The following DPY19L3 variants were observed in gnomAD, a reference collection of about 807,000 sequenced individuals.
The protein encoded by DPY19L3 is dpy-19 like C-mannosyltransferase 3.
In DPY19L3, 51 loss-of-function variants were observed where a neutral mutation model predicts 92.3. That is an observed-to-expected ratio of 0.55 (90% CI 0.44 to 0.70). DPY19L3 has a LOEUF of 0.70. Among genes scored for constraint, DPY19L3 ranks in the 30% least tolerant of loss-of-function variants. The pLI, the probability that DPY19L3 is intolerant of heterozygous loss-of-function variation, is 0.00. For synonymous variants in DPY19L3, 309 were observed against 315.2 expected (o/e 0.98, Z 0.21); for missense variants, 706 against 855.9 (o/e 0.82, Z 2.18).
intron 3 of DPY19L3, among the ~76,000 whole-genome samples, chr19:32,420,309 G>A (rs565414954): frequency 1.3e-5 from 2 of 152,286 alleles, no homozygotes; most frequent in South Asian, 4.1e-4. Flanking sequence ...ACTGGCTGCT[G>A]TGAAGAATCT....
At position 32,429,350 on chromosome 19, in the gene DPY19L3, T is replaced by C. The variant is rs561346576; in HGVS notation, c.238-3366T>C. Among the ~76,000 whole-genome samples, 55 of 152,322 alleles carry C rather than the reference T, an allele frequency of 3.6e-4. 3 individuals carry two copies. In the South Asian group the frequency reaches 0.011, roughly 31 times the overall value. The stretch of plus-strand genomic sequence containing the variant: ...CACGGGTGTGATCTACCAAGCGAAG[T>C]ATAAATTGCTGTAAAACTGGAAAAG... On this transcript the variant is annotated intron_variant, in intron 3 of 18. Coordinates refer to ENST00000392250, the MANE Select transcript of DPY19L3 (RefSeq NM_001172774.2).
intron 8 of DPY19L3, among the ~76,000 whole-genome samples, chr19:32,445,984 G>A (rs1027607103): frequency 1.1e-4 from 17 of 151,734 alleles, no homozygotes; most frequent in African/African-American, 4.1e-4. Flanking sequence ...CCTGGGAGAC[G>A]AGTGAAACTT....
intron 15 of DPY19L3, among the ~76,000 whole-genome samples, chr19:32,465,630 C>CTAGA (rs1970178140): frequency 6.6e-6 from 1 of 152,122 alleles, no homozygotes; most frequent in African/African-American, 2.4e-5. Context: ...AGAGGATCAG[C>CTAGA]TAGAGCAGCT....
At chr19:32,441,638 C>T (rs557036308) in intron 8 of DPY19L3, among the ~76,000 whole-genome samples, 54 of 152,120 alleles carry the variant, frequency 3.5e-4, no homozygotes, top group African/African-American at 1.3e-3. Flanking sequence ...GCTGGGAATA[C>T]AGGTGCATGC....
rs183522549 is a variant in DPY19L3, at chr19:32,467,220, A to G, written c.1615-1511A>G. ...TAATTCAGCACTTTCATATTGTTAAAGGAGTTTGCCGCAAAATTCTCACTA... is the reference window on the plus strand; with the variant it reads ...TAATTCAGCACTTTCATATTGTTAAGGGAGTTTGCCGCAAAATTCTCACTA... On this transcript the variant is annotated intron_variant, in intron 15 of 18. Coordinates refer to ENST00000392250, the MANE Select transcript of DPY19L3 (RefSeq NM_001172774.2). Among the ~76,000 whole-genome samples, 4 of 152,336 alleles carry G rather than the reference A, an allele frequency of 2.6e-5. No individual in the cohort carries two copies. The East Asian group carries it at 7.7e-4, about 29-fold the overall frequency.
intron 12 of DPY19L3, among the ~76,000 whole-genome samples, chr19:32,460,844 CTTGTT>C (rs59020860): frequency 0.17 from 24,578 of 148,156 alleles, 2,299 homozygotes; most frequent in Non-Finnish European, 0.21. Context: ...GATACTATGA[CTTGTT>C]TTGTTTTGTT....
At position 32,469,446 on chromosome 19, in the gene DPY19L3, A is replaced by G. The variant is rs377666027; in HGVS notation, c.1697+633A>G. The stretch of plus-strand genomic sequence containing the variant: ...GGGAGGTAGAGGTTGCAGTGAGTCA[A>G]GATCGCGCTACTACACTTCATCCTG... On this transcript the variant is annotated intron_variant, in intron 16 of 18. Coordinates refer to ENST00000392250, the MANE Select transcript of DPY19L3 (RefSeq NM_001172774.2). Among the ~76,000 whole-genome samples the G allele has an allele frequency of 9.2e-5, 14 of 152,038 alleles. No homozygotes were observed. The East Asian group carries it at 9.6e-4, about 10-fold the overall frequency.
intron 3 of DPY19L3, among the ~76,000 whole-genome samples, chr19:32,419,855 AT>A (rs1189166828): frequency 0.038 from 4,232 of 111,812 alleles, 85 homozygotes; most frequent in African/African-American, 0.1. Context: ...GCACTCCCCC[AT>A]TTTTTTTTTT....
chr19:32,472,098 C>G (rs545994145), intron 16 of DPY19L3, among the ~76,000 whole-genome samples: 1 of 152,124 alleles, frequency 6.6e-6, no homozygotes, highest in Non-Finnish European at 1.5e-5. Flanking sequence ...TTCTCACCCT[C>G]GACTCCATTT....
Position 32,408,262 on chromosome 19 carries a change from C to T in DPY19L3, c.9C>T (p.Ser3=). 1 of 1,611,884 alleles carries T rather than the reference C, an allele frequency of 6.2e-7. No individual in the cohort carries two copies. The highest frequency in any genetic ancestry group is 1.1e-5 in the South Asian group (1 of 90,828). ...CATGTAAGTCTGACATCATGATGTC[C>T]ATCCGGCAAAGAAGAGAAATAAGAG... is the stretch of plus-strand genomic sequence containing the variant. MM[S]IRQRREIRAT... The change falls in exon 2 of 19, where the codon TCC becomes TCT. Residue 3 remains serine, a synonymous_variant. Coordinates refer to ENST00000392250, the MANE Select transcript of DPY19L3 (RefSeq NM_001172774.2).
At chr19:32,430,530 A>G (rs1968925059) in intron 3 of DPY19L3, among the ~76,000 whole-genome samples, 1 of 152,206 alleles carries the variant, frequency 6.6e-6, no homozygotes, top group Admixed American at 6.5e-5. Flanking sequence ...TTAACAAACA[A>G]TGATAAAAAG....
chr19:32,447,772 GATA>G (rs1328628159), intron 8 of DPY19L3, among the ~76,000 whole-genome samples: 1 of 119,278 alleles, frequency 8.4e-6, no homozygotes. Flanking sequence ...TAGATAGATA[GATA>G]GATTAGATAA....
At chr19:32,452,195 TATC>T (rs1969723679) in intron 8 of DPY19L3, among the ~76,000 whole-genome samples, 1 of 152,186 alleles carries the variant, frequency 6.6e-6, no homozygotes, top group African/African-American at 2.4e-5. Flanking sequence ...GTGAGGAAGG[TATC>T]ATCATCTCTT....
In DPY19L3 at chr19:32,432,757, G is replaced by GT; in HGVS notation, c.280dup (p.Tyr94LeufsTer24). 1 of 1,613,934 alleles carries GT rather than the reference G, an allele frequency of 6.2e-7. No homozygotes were observed. The highest frequency in any genetic ancestry group is 8.5e-7 in the Non-Finnish European group (1 of 1,179,924). On this transcript the variant is annotated frameshift_variant, in exon 4 of 19. Coordinates refer to ENST00000392250, the MANE Select transcript of DPY19L3 (RefSeq NM_001172774.2). LOFTEE classifies it high-confidence loss of function. Reference sequence around the variant, plus strand: ...TCTCATTCAGAACAGAGTGTGGCCTGTATTACTCCTACTACAAGCAGATGC... The same window carrying GT: ...TCTCATTCAGAACAGAGTGTGGCCTGTTATTACTCCTACTACAAGCAGATGC...
intron 8 of DPY19L3, among the ~76,000 whole-genome samples, chr19:32,448,917 T>G (rs12462009): frequency 0.034 from 5,178 of 152,320 alleles, 354 homozygotes; most frequent in Admixed American, 0.17. Flanking sequence ...TCATCAGCAA[T>G]TTTTCTTTTG....
chr19:32,439,711 A>T (rs1464164015), intron 7 of DPY19L3, 65 bp from the exon 8 acceptor site: 1 of 1,553,614 alleles, frequency 6.4e-7, no homozygotes, highest in Non-Finnish European at 8.7e-7. Flanking sequence ...CTCTTGAGAA[A>T]ACTTGTCTGC....
chr19:32,463,514 A>G (rs369535749), intron 13 of DPY19L3, 26 bp downstream of exon 13: 1 of 1,603,734 alleles, frequency 6.2e-7, no homozygotes, highest in African/African-American at 1.3e-5. Context: ...CTGTTTGTTT[A>G]CTTTTTATTT....
chr19:32,454,133 T>A (rs1196759169), intron 9 of DPY19L3, among the ~76,000 whole-genome samples: 1 of 152,212 alleles, frequency 6.6e-6, no homozygotes, highest in African/African-American at 2.4e-5. Context: ...ACTGTTAAGA[T>A]ATTATTATAT....
intron 3 of DPY19L3, among the ~76,000 whole-genome samples, chr19:32,422,473 G>A (rs1431507729): frequency 6.6e-6 from 1 of 152,150 alleles, no homozygotes. Context: ...TGTACAGAAA[G>A]AGCAATGTTG....
Sources: allele counts gnomAD v4.1 joint callset (sites outside exome capture counted in the v4.1 genomes callset), GRCh38; gene constraint gnomAD v4.1.1; transcripts MANE v1.5; gene names NCBI Gene and HGNC (gene_info 2026-07-23, HGNC 2026-07-21).